The following SYN3 variants were observed in gnomAD, a reference collection of about 807,000 sequenced individuals.
The protein encoded by SYN3 is synapsin III.
SYN3 carries 35 observed loss-of-function variants against 65.8 expected under a neutral mutation model. The observed-to-expected ratio is 0.53, with a 90% confidence interval of 0.41 to 0.70. SYN3 has a LOEUF of 0.70. Among genes scored for constraint, SYN3 ranks in the 30% least tolerant of loss-of-function variants. The probability of loss-of-function intolerance (pLI) is 0.00; values close to 1 mark genes in which losing one functional copy is unlikely to be tolerated. For synonymous variants in SYN3, 270 were observed against 292.9 expected, an observed-to-expected ratio of 0.92 and a Z score of 0.80; for missense variants, 680 against 749.0, an observed-to-expected ratio of 0.91 and a Z score of 1.08.
At chr22:32,563,724 C>A (rs1223340137) in intron 7 of SYN3, among the ~76,000 whole-genome samples, 1 of 152,166 alleles carries the variant, frequency 6.6e-6, no homozygotes, top group South Asian at 2.1e-4. Flanking sequence ...GGCTGGAGTA[C>A]AATGGCTCGA....
rs1443301120 is a variant in SYN3 at position 32,603,555 on chromosome 22, A to C, written c.712-6819T>G. Among the ~76,000 whole-genome samples, 3 of 151,664 alleles carry C rather than the reference A, an allele frequency of 2.0e-5. 1 individual carries two copies. Among genetic ancestry groups the C allele is most frequent in the African/African-American group, 7.3e-5 (3 of 41,272 alleles). On this transcript the variant is annotated intron_variant, in intron 6 of 13. Transcript: ENST00000358763. ...AAAAAAAGAAAAAAAAAAAAAAGAA[A>C]GAAAGAAAACACAGCCCTTTGCCCG...
chr22:32,579,314 C>T (rs1236613467), intron 7 of SYN3, among the ~76,000 whole-genome samples: 1 of 152,160 alleles, frequency 6.6e-6, no homozygotes, highest in Non-Finnish European at 1.5e-5. Context: ...CTGGATAATT[C>T]AGAAATTTAT....
intron 3 of SYN3, among the ~76,000 whole-genome samples, chr22:32,954,520 C>T (rs559477519): frequency 6.6e-6 from 1 of 152,356 alleles, no homozygotes; most frequent in African/African-American, 2.4e-5. Context: ...CTGGGCTCCA[C>T]ATGCTTAGAC....
intron 2 of SYN3, among the ~76,000 whole-genome samples, chr22:33,004,626 G>A (rs1295926349): frequency 6.6e-6 from 1 of 152,206 alleles, no homozygotes; most frequent in African/African-American, 2.4e-5. Flanking sequence ...CTCCTATTTG[G>A]AATGCGTGTA....
At chr22:32,939,116 C>A (rs796590352) in intron 3 of SYN3, among the ~76,000 whole-genome samples, 28 of 152,122 alleles carry the variant, frequency 1.8e-4, no homozygotes, top group African/African-American at 6.7e-4. Flanking sequence ...AAATACAAAA[C>A]CCTTATTTTT....
rs776369223 is a variant in SYN3 at position 32,596,752 on chromosome 22, A to T, written c.712-16T>A. On this transcript the variant is annotated splice_polypyrimidine_tract_variant and intron_variant, in intron 6 of 13. Transcript: ENST00000358763. ...GGGCTGTGACCTGAAAGAGACAAGA[A>T]GAAGTCACTCTTAACATCTCAGAGC... 1 of 1,613,734 alleles carries T rather than the reference A, an allele frequency of 6.2e-7. No individual in the cohort carries two copies. The highest frequency in any genetic ancestry group is 1.7e-5 in the Admixed American group (1 of 59,994).
At chr22:33,000,056 C>T (rs2053012721) in intron 2 of SYN3, among the ~76,000 whole-genome samples, 1 of 152,074 alleles carries the variant, frequency 6.6e-6, no homozygotes, top group African/African-American at 2.4e-5. Flanking sequence ...ATTCTCCTTT[C>T]CCTTGTGGTT....
intron 7 of SYN3, among the ~76,000 whole-genome samples, chr22:32,572,409 G>T (rs1171534448): frequency 2.2e-3 from 9 of 4,132 alleles, no homozygotes; most frequent in Non-Finnish European, 2.7e-3. Flanking sequence ...CCTCCCTCCT[G>T]TCTTTCCTTC....
chr22:32,799,751 T>G (rs1005719249), intron 6 of SYN3, among the ~76,000 whole-genome samples: 2 of 152,190 alleles, frequency 1.3e-5, no homozygotes, highest in Non-Finnish European at 2.9e-5. Context: ...CAGGGCACTC[T>G]GCTCAGGACT....
At chr22:32,582,240 T>G (rs557322112) in intron 7 of SYN3, among the ~76,000 whole-genome samples, 1 of 152,346 alleles carries the variant, frequency 6.6e-6, no homozygotes, top group Admixed American at 6.5e-5. Context: ...GCATCTGAGT[T>G]TGCATCCCTT....
chr22:32,658,862 A>G (rs2060178474), intron 6 of SYN3, among the ~76,000 whole-genome samples: 1 of 152,218 alleles, frequency 6.6e-6, no homozygotes, highest in African/African-American at 2.4e-5. Flanking sequence ...GGGCGTGAGG[A>G]AGCATGTTAT....
chr22:32,868,726 C>T (rs919224499), intron 5 of SYN3, among the ~76,000 whole-genome samples: 5 of 152,112 alleles, frequency 3.3e-5, no homozygotes, highest in Non-Finnish European at 7.4e-5. Flanking sequence ...GCTGGGATTA[C>T]AGGCATAAGC....
At chr22:32,732,213 T>C (rs532752506) in intron 6 of SYN3, among the ~76,000 whole-genome samples, 4 of 152,290 alleles carry the variant, frequency 2.6e-5, no homozygotes, top group East Asian at 1.9e-4. Context: ...AGGGACCCAT[T>C]TGTGGCCAAA....
chr22:32,682,128 C>A (rs1267780813), intron 6 of SYN3, among the ~76,000 whole-genome samples: 1 of 152,008 alleles, frequency 6.6e-6, no homozygotes, highest in Non-Finnish European at 1.5e-5. Flanking sequence ...CCATTCTGAC[C>A]CCAGGGGATA....
At chr22:32,978,553 T>C (rs1032668148) in intron 3 of SYN3, among the ~76,000 whole-genome samples, 28 of 152,184 alleles carry the variant, frequency 1.8e-4, no homozygotes, top group African/African-American at 6.8e-4. Context: ...TCTCCACTTG[T>C]TGACATCCTA....
At chr22:32,996,268 C>T (rs1431613808) in intron 2 of SYN3, among the ~76,000 whole-genome samples, 1 of 151,984 alleles carries the variant, frequency 6.6e-6, no homozygotes. Context: ...TAAACTCTGA[C>T]CTTGAGTCAG....
intron 6 of SYN3, among the ~76,000 whole-genome samples, chr22:32,750,824 G>A (rs62234593): frequency 0.18 from 26,803 of 151,916 alleles, 2,689 homozygotes; most frequent in African/African-American, 0.27. Flanking sequence ...CCAAGGTTTG[G>A]GGTCTAAGGC....
Position 32,906,287 on chromosome 22 carries a change from AATG to A in SYN3, c.461+25100_461+25102del, listed in dbSNP as rs140995228. 2.5e-3 allele frequency among the ~76,000 whole-genome samples: 388 copies of A among 152,292 alleles called. 2 individuals carry two copies. The highest frequency in any genetic ancestry group is 8.9e-3 in the African/African-American group (372 of 41,578). ...AAGGGGATTCTTGGGCCTCAAACAC[AATG>A]AATCAAGATCCCCTGGAGTGGGGAA... On this transcript the variant is annotated intron_variant, in intron 4 of 13. Transcript: ENST00000358763.
Position 32,764,453 on chromosome 22 carries a change from C to T in SYN3, c.711+100462G>A, listed in dbSNP as rs1397947416. 1.3e-5 allele frequency among the ~76,000 whole-genome samples: 2 copies of T among 152,138 alleles called. 1 individual carries two copies. The highest frequency in any genetic ancestry group is 2.9e-5 in the Non-Finnish European group (2 of 68,022). The stretch of plus-strand genomic sequence containing the variant: ...AGAAAGCAAGTTTGGAAGAGAATGA[C>T]CCAACAGCCTCACTGCTGCGGGTGC... On this transcript the variant is annotated intron_variant, in intron 6 of 13. Transcript: ENST00000358763.
Sources: gnomAD v4.1 joint callset for allele counts (sites outside exome capture counted in the v4.1 genomes callset) on GRCh38, gnomAD v4.1.1 for gene constraint, MANE v1.5 for transcripts, NCBI Gene and HGNC (gene_info 2026-07-23, HGNC 2026-07-21) for gene names.